The following PDE4D variants were observed in gnomAD, a reference collection of about 807,000 sequenced individuals.
The protein encoded by PDE4D is 3',5'-cyclic-AMP phosphodiesterase 4D.
Under a neutral mutation model 87.4 loss-of-function variants are expected in PDE4D, and 24 were observed. The observed-to-expected ratio is 0.27, with a 90% confidence interval of 0.20 to 0.39. PDE4D has a LOEUF of 0.39. PDE4D is among the 10% of genes least tolerant of loss of function. The pLI is 1.00. For synonymous variants in PDE4D, 384 were observed against 383.2 expected (o/e 1.00, Z -0.02); for missense variants, 714 against 1,041.0 (o/e 0.69, Z 4.32).
chr5:59,965,210 C>G (rs1319069460), intron 3 of PDE4D, among the ~76,000 whole-genome samples: 1 of 152,092 alleles, frequency 6.6e-6, no homozygotes, highest in Non-Finnish European at 1.5e-5. Context: ...CAATTTTTCC[C>G]TCTCCACTGA....
intron 1 of PDE4D, among the ~76,000 whole-genome samples, chr5:59,847,556 T>C (rs889578248): frequency 5.3e-5 from 8 of 152,080 alleles, no homozygotes; most frequent in Non-Finnish European, 1.2e-4. Context: ...TCACGAGTCA[T>C]GGTACCTTTT....
intron 1 of PDE4D, among the ~76,000 whole-genome samples, chr5:59,722,515 T>C (rs931639069): frequency 2.6e-5 from 4 of 152,308 alleles, no homozygotes; most frequent in Non-Finnish European, 4.4e-5. Context: ...TTCTGCCATT[T>C]CTTTAATTCT....
intron 1 of PDE4D, among the ~76,000 whole-genome samples, chr5:59,346,863 T>C (rs1471328845): frequency 6.6e-6 from 1 of 152,142 alleles, no homozygotes; most frequent in Non-Finnish European, 1.5e-5. Context: ...CTAGAACCAG[T>C]AAGATGTGAG....
At chr5:60,260,689 C>T (rs1011371969) in intron 1 of PDE4D, among the ~76,000 whole-genome samples, 26 of 152,006 alleles carry the variant, frequency 1.7e-4, no homozygotes, top group South Asian at 2.1e-4. Context: ...ATGGATGCAG[C>T]GCTGTTTATA....
chr5:59,856,280 G>A (rs1745418741), intron 1 of PDE4D, among the ~76,000 whole-genome samples: 1 of 152,078 alleles, frequency 6.6e-6, no homozygotes, highest in Non-Finnish European at 1.5e-5. Flanking sequence ...CCAGCTTACT[G>A]AGCCATTCTG....
At chr5:60,042,476 C>T (rs551007133) in intron 2 of PDE4D, among the ~76,000 whole-genome samples, 14 of 152,324 alleles carry the variant, frequency 9.2e-5, no homozygotes, top group African/African-American at 3.1e-4. Context: ...CAAATGGGTC[C>T]CTCACCCCCG....
intron 2 of PDE4D, among the ~76,000 whole-genome samples, chr5:60,091,739 C>T (rs1690380632): frequency 6.6e-6 from 1 of 152,126 alleles, no homozygotes; most frequent in South Asian, 2.1e-4. Flanking sequence ...ACCTATATAC[C>T]TATCAGTAGA....
intron 2 of PDE4D, among the ~76,000 whole-genome samples, chr5:60,012,036 C>G (rs1161843429): frequency 1.3e-5 from 2 of 151,954 alleles, no homozygotes; most frequent in Non-Finnish European, 2.9e-5. Context: ...AAGTAGGACT[C>G]ATATAAATTG....
At chr5:59,159,665 C>T (rs985330773) in intron 5 of PDE4D, among the ~76,000 whole-genome samples, 1 of 152,210 alleles carries the variant, frequency 6.6e-6, no homozygotes, top group Non-Finnish European at 1.5e-5. Flanking sequence ...CAAGTAAACA[C>T]TTGTAGGATC....
At chr5:59,046,096 AC>A (rs1760587283) in intron 5 of PDE4D, among the ~76,000 whole-genome samples, 1 of 152,228 alleles carries the variant, frequency 6.6e-6, no homozygotes, top group Non-Finnish European at 1.5e-5. Flanking sequence ...GGAGAAAAAA[AC>A]AATGGAATTC....
chr5:59,847,157 C>T (rs58746465), intron 1 of PDE4D, among the ~76,000 whole-genome samples: 14,058 of 151,886 alleles, frequency 0.093, 2,022 homozygotes, highest in African/African-American at 0.31. Flanking sequence ...TACAACTCGG[C>T]GCTGTGAGGA....
chr5:59,962,026 G>T (rs895579304), intron 3 of PDE4D, among the ~76,000 whole-genome samples: 2 of 152,102 alleles, frequency 1.3e-5, no homozygotes, highest in African/African-American at 2.4e-5. Flanking sequence ...TTCAATATAC[G>T]TGAAGGATGC....
chr5:60,351,780 A>ATTTT (rs1156935786), intron 1 of PDE4D, among the ~76,000 whole-genome samples: 1 of 131,606 alleles, frequency 7.6e-6, no homozygotes, highest in Non-Finnish European at 1.7e-5. Flanking sequence ...CCACCTAATT[A>ATTTT]TTTTATTTAT....
At chr5:60,235,806 G>A (rs1487892751) in intron 1 of PDE4D, among the ~76,000 whole-genome samples, 1 of 151,714 alleles carries the variant, frequency 6.6e-6, no homozygotes, top group Non-Finnish European at 1.5e-5. Flanking sequence ...TTACGTTATT[G>A]ATTTTAAAAT....
At chr5:59,900,333 C>T (rs1426555076) in intron 3 of PDE4D, among the ~76,000 whole-genome samples, 1 of 151,086 alleles carries the variant, frequency 6.6e-6, no homozygotes, top group East Asian at 1.9e-4. Context: ...AAAGTTCATA[C>T]TATAATTATT....
intron 1 of PDE4D, among the ~76,000 whole-genome samples, chr5:60,431,638 A>C (rs1392691774): frequency 7.3e-6 from 1 of 136,394 alleles, no homozygotes; most frequent in Non-Finnish European, 1.6e-5. Flanking sequence ...ATGGGCGGCC[A>C]GGCAGAGACG....
intron 5 of PDE4D, among the ~76,000 whole-genome samples, chr5:59,174,825 C>T (rs1783573242): frequency 6.6e-6 from 1 of 152,164 alleles, no homozygotes; most frequent in Non-Finnish European, 1.5e-5. Context: ...CTGGCATTGT[C>T]ACTAAGCAGC....
chr5:59,144,096 G>A (rs1197708811), intron 5 of PDE4D, among the ~76,000 whole-genome samples: 1 of 152,184 alleles, frequency 6.6e-6, no homozygotes, highest in Non-Finnish European at 1.5e-5. Context: ...TTTCTCTATG[G>A]CTTATAAAGG....
intron 1 of PDE4D, among the ~76,000 whole-genome samples, chr5:60,305,554 C>T (rs988963308): frequency 2.0e-5 from 3 of 151,758 alleles, no homozygotes; most frequent in African/African-American, 7.3e-5. Context: ...CCCAAGAAAA[C>T]TTTCCTGATC....
Sources: allele counts gnomAD v4.1 joint callset (sites outside exome capture counted in the v4.1 genomes callset), GRCh38; gene constraint gnomAD v4.1.1; transcripts MANE v1.5; gene names NCBI Gene and HGNC (gene_info 2026-07-23, HGNC 2026-07-21).